ACAD10: variants seen among roughly 807,000 people sequenced by gnomAD.
ACAD10 encodes ACAD-10.
Under a neutral mutation model 116.8 loss-of-function variants are expected in ACAD10, and 112 were observed. The ratio of observed to expected loss-of-function variants is 0.96; its 90% CI spans 0.82 to 1.12. ACAD10 has a LOEUF of 1.12. Among genes scored for constraint, ACAD10 ranks in the 50% most tolerant of loss-of-function variants. ACAD10 has a pLI of 0.00. For missense variants in ACAD10, 1,259 were observed against 1,350.2 expected, an observed-to-expected ratio of 0.93 and a Z score of 1.06; for synonymous variants, 486 against 510.6, an observed-to-expected ratio of 0.95 and a Z score of 0.65.
rs1888087236 is a variant in ACAD10 at position 111,692,730 on chromosome 12, C to T, written c.21C>T (p.Phe7=). The T allele has an allele frequency of 6.2e-7, 1 of 1,614,018 alleles. No individual in the cohort carries two copies. Among genetic ancestry groups the T allele is most frequent in the Non-Finnish European group, 8.5e-7 (1 of 1,179,970 alleles). The change falls in exon 2 of 21, where the codon TTC becomes TTT. Residue 7 remains phenylalanine (F), a synonymous_variant. Coordinates refer to ENST00000313698, the MANE Select transcript of ACAD10 (RefSeq NM_025247.6). MCVRSC[F]QSPRLQWVWR... ...TCACCATGTGTGTCAGGAGCTGTTT[C>T]CAGTCCCCCCGTCTCCAGTGGGTGT...
chr12:111,688,504 GA>G (rs1014823509), intron 1 of ACAD10, among the ~76,000 whole-genome samples: 2 of 150,798 alleles, frequency 1.3e-5, no homozygotes, highest in Non-Finnish European at 1.5e-5. Flanking sequence ...TTCCCATTTA[GA>G]AAAAAAAAGT....
chr12:111,709,503 T>G, intron 4 of ACAD10, 23 bp from the exon 5 acceptor site: 1 of 1,519,484 alleles, frequency 6.6e-7, no homozygotes, highest in Non-Finnish European at 8.8e-7. Flanking sequence ...GACATTCATC[T>G]CTCATTCCTG....
intron 2 of ACAD10, among the ~76,000 whole-genome samples, chr12:111,697,076 G>A (rs760505209): frequency 1.5e-5 from 2 of 131,346 alleles, no homozygotes; most frequent in Admixed American, 1.6e-4. Context: ...GCGAGACTCC[G>A]TCTCAAAAAA....
At position 111,686,189 on chromosome 12, in the gene ACAD10, C is replaced by T. The variant is rs1415741267; in HGVS notation, c.-64C>T. On this transcript the variant is annotated 5_prime_UTR_variant, in exon 1 of 21. Transcript: ENST00000313698. The stretch of plus-strand genomic sequence containing the variant: ...AGTTAACCTCTGCTTGCTCCAGAGG[C>T]CTCGTCCTAATCCACCTCGGCTGAC... 1 of 154,236 alleles carries T rather than the reference C, an allele frequency of 6.5e-6. No individual in the cohort carries two copies. The allele number at this position is 154,236 out of a possible 1,614,324, so 9.6% of individuals were successfully genotyped here.
chr12:111,750,103 T>G (rs564038144), intron 18 of ACAD10, among the ~76,000 whole-genome samples: 2 of 148,836 alleles, frequency 1.3e-5, no homozygotes, highest in Admixed American at 1.3e-4. Flanking sequence ...TTGTTTTTTT[T>G]TTTTTTGAGA....
intron 2 of ACAD10, among the ~76,000 whole-genome samples, chr12:111,698,918 C>T (rs1888270708): frequency 6.6e-6 from 1 of 151,914 alleles, no homozygotes; most frequent in Admixed American, 6.6e-5. Context: ...TTTACTCTGC[C>T]ACTCAGGCTA....
intron 11 of ACAD10, among the ~76,000 whole-genome samples, chr12:111,735,216 T>TC (rs1889513049): frequency 6.9e-6 from 1 of 145,268 alleles, no homozygotes; most frequent in South Asian, 2.2e-4. Flanking sequence ...AGAGCAAGAC[T>TC]CCATCTCAAA....
chr12:111,756,793 CCT>C lies in ACAD10; in HGVS notation c.*329_*330del, dbSNP rs1299039432. The C allele has an allele frequency of 1.6e-5, 8 of 509,912 alleles. No homozygotes were observed. The highest frequency in any genetic ancestry group is 2.3e-5 in the Non-Finnish European group (6 of 262,798). The allele number at this position is 509,912 out of a possible 1,614,324, so 31.6% of individuals were successfully genotyped here. On this transcript the variant is annotated 3_prime_UTR_variant, in exon 21 of 21. Coordinates refer to ENST00000313698, the MANE Select transcript of ACAD10 (RefSeq NM_025247.6). ...GTCACTTCACTTCAGCCTTTCAGTC[CCT>C]CTCTCTCTGCCTGTGGGAATCTGGA...
chr12:111,739,983 G>T (rs532233188), intron 12 of ACAD10, among the ~76,000 whole-genome samples: 1 of 152,190 alleles, frequency 6.6e-6, no homozygotes, highest in Non-Finnish European at 1.5e-5. Flanking sequence ...AAAAACATTT[G>T]TTTTTAGAGT....
chr12:111,733,971 C>A lies in ACAD10; in HGVS notation c.1443C>A (p.Val481=). Residue 481 remains valine (V), a synonymous_variant, in exon 11 of 21, where the codon GTC becomes GTA. Coordinates refer to ENST00000313698, the MANE Select transcript of ACAD10 (RefSeq NM_025247.6). ...CAGAAGAGCCAGAGGTGCTTGCTGT[C>A]CTTGACTGGGAACTTTCTACCTTGG... The part of the protein sequence containing the change: ...FHPEEPEVLA[V]LDWELSTLGD... The A allele has an allele frequency of 1.9e-6, 3 of 1,614,230 alleles. No individual in the cohort carries two copies. The highest frequency in any genetic ancestry group is 2.5e-6 in the Non-Finnish European group (3 of 1,180,040).
In ACAD10 at chr12:111,705,964, C is replaced by G. The variant is rs528597841; in HGVS notation, c.531+32C>G. The G allele has an allele frequency of 2.2e-5, 36 of 1,605,534 alleles. No individual in the cohort carries two copies. In the African/African-American group the frequency reaches 4.8e-4, roughly 21 times the overall value. ...TTGAGCTAATTGAAAACCATTGGAA[C>G]AGAATCTGTGCCCTCGCTTCAGGGT... On this transcript the variant is annotated intron_variant, in intron 4 of 20. Transcript: ENST00000313698.
rs774559500 is a variant in ACAD10, at chr12:111,756,394, G to A, written c.3101G>A (p.Arg1034Gln). 8.1e-6 allele frequency: 13 copies of A among 1,611,898 alleles called. No individual in the cohort carries two copies. The highest frequency in any genetic ancestry group is 3.3e-5 in the Admixed American group (2 of 59,758). Residue 1034 changes from arginine to glutamine, a missense_variant, in exon 21 of 21, where the codon CGA (arginine) becomes CAA (glutamine). Transcript: ENST00000313698. The part of the protein sequence containing the change: ...YPLAQFFTWA[R>Q]ALRFADGPDE... ...CTGGCTCAGTTCTTCACCTGGGCCCGAGCCCTGCGCTTTGCCGACGGCCCT... is the reference window on the plus strand; with the variant it reads ...CTGGCTCAGTTCTTCACCTGGGCCCAAGCCCTGCGCTTTGCCGACGGCCCT...
rs1180458477 is a variant in ACAD10 at position 111,749,132 on chromosome 12, G to T, written c.2645-41G>T. ...AGGAATAAACACATCCAAGGAAAAT[G>T]ACTATGGCTATTGCTCACAGTGATC... On this transcript the variant is annotated intron_variant, in intron 17 of 20. Coordinates refer to ENST00000313698, the MANE Select transcript of ACAD10 (RefSeq NM_025247.6). The T allele has an allele frequency of 2.5e-6, 4 of 1,613,734 alleles. No individual in the cohort carries two copies. In the South Asian group the frequency reaches 3.3e-5, roughly 13 times the overall value.
At position 111,706,760 on chromosome 12, in the gene ACAD10, TTTTA is replaced by T. The variant is rs200168819; in HGVS notation, c.531+830_531+833del. 3.0e-5 allele frequency among the ~76,000 whole-genome samples: 4 copies of T among 131,604 alleles called. 1 individual carries two copies. The highest frequency in any genetic ancestry group is 3.7e-4 in the East Asian group (1 of 2,686). The allele number at this position is 131,604 out of a possible 152,430, so 86.3% of individuals were successfully genotyped here. A position where few individuals can be genotyped will look rare whatever the true frequency, so the allele number is the denominator to read the frequency against. On this transcript the variant is annotated intron_variant, in intron 4 of 20. Transcript: ENST00000313698. ...GCCACCGTGCCTGGCCTATTTATTT[TTTTA>T]TATATATATATATATATATTTTTTT...
intron 12 of ACAD10, among the ~76,000 whole-genome samples, chr12:111,737,239 G>A (rs1484740967): frequency 1.3e-5 from 2 of 152,172 alleles, no homozygotes; most frequent in African/African-American, 4.8e-5. Flanking sequence ...CTGGAGTCCA[G>A]TGGTTTGATC....
intron 1 of ACAD10, among the ~76,000 whole-genome samples, chr12:111,691,594 A>ATTTT (rs56715476): frequency 1.5e-5 from 2 of 132,208 alleles, no homozygotes; most frequent in African/African-American, 2.8e-5. Context: ...AAGGAATGAG[A>ATTTT]TTTTTTTTTT....
Position 111,733,909 on chromosome 12 carries a change from C to T in ACAD10, c.1395-14C>T, listed in dbSNP as rs774040893. 3.7e-6 allele frequency: 6 copies of T among 1,614,086 alleles called. No homozygotes were observed. The highest frequency in any genetic ancestry group is 1.3e-5 in the African/African-American group (1 of 75,062). On this transcript the variant is annotated splice_polypyrimidine_tract_variant and intron_variant, in intron 10 of 20. Coordinates refer to ENST00000313698, the MANE Select transcript of ACAD10 (RefSeq NM_025247.6). ...TTTCTTAGTGCTGTCTCTATTCCTC[C>T]TGCGACTTTTCAGGCTCGACAACCT...
chr12:111,700,515 T>C (rs1271262599), intron 2 of ACAD10, among the ~76,000 whole-genome samples: 1 of 152,150 alleles, frequency 6.6e-6, no homozygotes, highest in African/African-American at 2.4e-5. Context: ...GTTGTGCTTG[T>C]TTACGCTCCC....
chr12:111,698,628 C>T (rs1005801262), intron 2 of ACAD10, among the ~76,000 whole-genome samples: 2 of 151,812 alleles, frequency 1.3e-5, no homozygotes, highest in African/African-American at 4.8e-5. Flanking sequence ...CAGGCATGCA[C>T]CACCACCCCT....
Sources: allele counts gnomAD v4.1 joint callset (sites outside exome capture counted in the v4.1 genomes callset), GRCh38; gene constraint gnomAD v4.1.1; transcripts MANE v1.5; gene names NCBI Gene and HGNC (gene_info 2026-07-23, HGNC 2026-07-21).